The following HDX variants were observed in gnomAD, a reference collection of about 807,000 sequenced individuals.
HDX encodes the protein highly divergent homeobox.
HDX carries 19 observed loss-of-function variants against 45.2 expected under a neutral mutation model. The observed-to-expected ratio is 0.42, with a 90% CI of 0.29 to 0.62. The LOEUF (loss-of-function observed/expected upper bound fraction) is 0.62. Among genes scored for constraint, HDX ranks in the 20% least tolerant of loss-of-function variants. HDX has a pLI of 0.20. For synonymous variants in HDX, 188 were observed against 172.8 expected (o/e 1.09, Z -0.69); for missense variants, 532 against 493.9 (o/e 1.08, Z -0.73).
intron 2 of HDX, among the ~76,000 whole-genome samples, chrX:84,485,106 T>C (rs2040763949): frequency 8.9e-6 from 1 of 112,055 alleles, no homozygotes; most frequent in Non-Finnish European, 1.9e-5. Flanking sequence ...TTAGAGAACA[T>C]ACTTTTTATC....
At chrX:84,484,815 T>C (rs1313697389) in intron 2 of HDX, among the ~76,000 whole-genome samples, 1 of 111,845 alleles carries the variant, frequency 8.9e-6, no homozygotes, top group Non-Finnish European at 1.9e-5. Context: ...GTCTCTTCAT[T>C]TGGCTTTGTT....
At chrX:84,408,615 T>C (rs2038900251) in intron 5 of HDX, among the ~76,000 whole-genome samples, 1 of 107,772 alleles carries the variant, frequency 9.3e-6, no homozygotes, top group African/African-American at 3.4e-5. Flanking sequence ...CATTGGTAGT[T>C]TGATCAGAAT....
chrX:84,406,018 G>A (rs916857096), intron 5 of HDX, among the ~76,000 whole-genome samples: 4 of 110,083 alleles, frequency 3.6e-5, no homozygotes, highest in Non-Finnish European at 7.6e-5. Flanking sequence ...TTAAATTTAC[G>A]AAGCCGCCAG....
intron 9 of HDX, among the ~76,000 whole-genome samples, chrX:84,330,223 A>T (rs1387652724): frequency 1.8e-5 from 2 of 111,604 alleles, no homozygotes; most frequent in Non-Finnish European, 3.8e-5. Flanking sequence ...ATTCTAAAAA[A>T]ATAATCAGCC....
At chrX:84,487,885 A>T (rs2040826022) in intron 2 of HDX, 139 bp downstream of exon 2, 1 of 112,448 alleles carries the variant, frequency 8.9e-6, no homozygotes, top group Non-Finnish European at 1.9e-5. Context: ...AAACTGACTC[A>T]GAATTTACTC....
chrX:84,401,125 TTCAAG>T (rs765648045), intron 5 of HDX, among the ~76,000 whole-genome samples: 1 of 112,095 alleles, frequency 8.9e-6, no homozygotes, highest in South Asian at 3.7e-4. Context: ...GTCAATGCCA[TTCAAG>T]ATATAGGCAT....
intron 5 of HDX, among the ~76,000 whole-genome samples, chrX:84,364,491 C>CTTTT (rs1169466223): frequency 6.2e-5 from 3 of 48,238 alleles, no homozygotes; most frequent in African/African-American, 2.0e-4. Context: ...AGTTATTCAC[C>CTTTT]TTTTTTTTTT....
intron 5 of HDX, among the ~76,000 whole-genome samples, chrX:84,392,159 T>C (rs1419198091): frequency 8.9e-6 from 1 of 111,923 alleles, no homozygotes; most frequent in Admixed American, 9.5e-5. Flanking sequence ...CAAGCACCAT[T>C]TATTAAAGAG....
chrX:84,465,743 A>C (rs540753286), intron 4 of HDX, among the ~76,000 whole-genome samples: 3 of 111,675 alleles, frequency 2.7e-5, no homozygotes, highest in Admixed American at 9.5e-5. Context: ...TGGGTGCAGC[A>C]AACTACTATG....
intron 7 of HDX, among the ~76,000 whole-genome samples, chrX:84,342,798 T>C (rs2037117492): frequency 9.0e-6 from 1 of 111,256 alleles, no homozygotes; most frequent in Non-Finnish European, 1.9e-5. Flanking sequence ...AAGACTGTAA[T>C]CATGACCCAA....
At chrX:84,366,815 G>C (rs2037766535) in intron 5 of HDX, among the ~76,000 whole-genome samples, 1 of 111,718 alleles carries the variant, frequency 9.0e-6, no homozygotes, top group Admixed American at 9.5e-5. Flanking sequence ...ACTGAAACTG[G>C]ATCCCTTCCT....
chrX:84,367,851 G>A, intron 5 of HDX, among the ~76,000 whole-genome samples: 4 of 111,424 alleles, frequency 3.6e-5, no homozygotes, highest in Admixed American at 2.9e-4. Context: ...GAGGCCTGTT[G>A]GGGTGTGGGG....
chrX:84,342,052 C>G (rs778825660), intron 7 of HDX, among the ~76,000 whole-genome samples: 2 of 111,463 alleles, frequency 1.8e-5, no homozygotes, highest in African/African-American at 3.3e-5. Context: ...TCTCACTTAA[C>G]TAAATCTTCA....
In HDX at chrX:84,409,256, C is replaced by A. The variant is rs2038919828; in HGVS notation, c.1305+31276G>T. On this transcript the variant is annotated intron_variant, in intron 5 of 10. Coordinates refer to ENST00000373177, the MANE Select transcript of HDX (RefSeq NM_001177479.2). ...TGGAGAGGATGTGGAGAAATAGGGACACTTTTACACTGCTGGTGGGACTGT... is the reference window on the plus strand; with the variant it reads ...TGGAGAGGATGTGGAGAAATAGGGAAACTTTTACACTGCTGGTGGGACTGT... Among the ~76,000 whole-genome samples the A allele has an allele frequency of 2.7e-5, 3 of 111,061 alleles. No homozygotes were observed. The South Asian group carries it at 1.2e-3, about 43-fold the overall frequency.
chrX:84,457,281 A>T (rs758237539), intron 4 of HDX, among the ~76,000 whole-genome samples: 1 of 111,887 alleles, frequency 8.9e-6, no homozygotes, highest in African/African-American at 3.2e-5. Flanking sequence ...ACGATTTTTT[A>T]AAAAATCACA....
At chrX:84,346,767 ATAAAACTT>A (rs1299045204) in intron 6 of HDX, among the ~76,000 whole-genome samples, 13 of 112,012 alleles carry the variant, frequency 1.2e-4, no homozygotes, top group African/African-American at 3.9e-4. Flanking sequence ...AATATAAAAA[ATAAAACTT>A]TAAAACTTTT....
chrX:84,364,541 G>A (rs956501502), intron 5 of HDX, among the ~76,000 whole-genome samples: 2 of 73,752 alleles, frequency 2.7e-5, no homozygotes, highest in African/African-American at 5.7e-5. Context: ...TCGCTCTGTC[G>A]CCCAGGCTGG....
intron 4 of HDX, among the ~76,000 whole-genome samples, chrX:84,462,690 G>T (rs1372198415): frequency 9.1e-6 from 1 of 110,160 alleles, no homozygotes; most frequent in African/African-American, 3.3e-5. Context: ...AAAAAATTAA[G>T]AATTTTTTAA....
chrX:84,479,176 A>G lies in HDX; in HGVS notation c.1-3779T>C, dbSNP rs1389103717. Among the ~76,000 whole-genome samples the G allele has an allele frequency of 9.0e-5, 10 of 111,612 alleles. No homozygotes were observed. In the Admixed American group the frequency reaches 9.5e-4, roughly 11 times the overall value. ...AGTCATCAAACCATCACCAAAATCA[A>G]GACAGAATAGTTTCATCACTCCCAA... is the stretch of plus-strand genomic sequence containing the variant. On this transcript the variant is annotated intron_variant, in intron 2 of 10. Coordinates refer to ENST00000373177, the MANE Select transcript of HDX (RefSeq NM_001177479.2).
Sources: allele counts gnomAD v4.1 joint callset (sites outside exome capture counted in the v4.1 genomes callset), GRCh38; gene constraint gnomAD v4.1.1; transcripts MANE v1.5; gene names NCBI Gene and HGNC (gene_info 2026-07-23, HGNC 2026-07-21).